Variants in PPARGC1A observed in about 807,000 individuals in gnomAD.
The protein encoded by PPARGC1A is peroxisome proliferator-activated receptor gamma coactivator 1-alpha.
In PPARGC1A, 25 loss-of-function variants were observed where a neutral mutation model predicts 88.7. The ratio of observed to expected loss-of-function variants is 0.28; its 90% CI spans 0.21 to 0.39. PPARGC1A has a LOEUF of 0.39. Ranked by LOEUF, PPARGC1A falls within the 10% of genes least tolerant of loss-of-function variation. The pLI, the probability that PPARGC1A is intolerant of heterozygous loss-of-function variation, is 1.00. For missense variants in PPARGC1A, 880 were observed against 968.7 expected, an observed-to-expected ratio of 0.91 and a Z score of 1.22; for synonymous variants, 363 against 355.6, an observed-to-expected ratio of 1.02 and a Z score of -0.24.
chr4:24,428,157 A>C, the PPARGC1A span, among the ~76,000 whole-genome samples: 17 of 151,682 alleles, frequency 1.1e-4, no homozygotes, highest in African/African-American at 4.1e-4. Context: ...AGCCCAAATG[A>C]CCATAGTGCC....
At chr4:24,308,500 C>A in the PPARGC1A span, among the ~76,000 whole-genome samples, 1 of 152,004 alleles carries the variant, frequency 6.6e-6, no homozygotes, top group Non-Finnish European at 1.5e-5. Flanking sequence ...ATACCCTTTA[C>A]CACAGTGGAT....
the PPARGC1A span, among the ~76,000 whole-genome samples, chr4:24,005,607 T>C: frequency 6.6e-6 from 1 of 152,296 alleles, no homozygotes; most frequent in South Asian, 2.1e-4. Flanking sequence ...AGATTTTCAT[T>C]TCTAGACACA....
chr4:24,455,441 C>G, the PPARGC1A span, among the ~76,000 whole-genome samples: 1 of 152,292 alleles, frequency 6.6e-6, no homozygotes, highest in African/African-American at 2.4e-5. Flanking sequence ...CATTGTGCCA[C>G]TGCACTCCAG....
chr4:24,409,854 C>T, the PPARGC1A span, among the ~76,000 whole-genome samples: 3 of 152,168 alleles, frequency 2.0e-5, no homozygotes. Context: ...ACCAGAAAAC[C>T]ATGTGTGCTC....
the PPARGC1A span, among the ~76,000 whole-genome samples, chr4:24,236,473 C>G: frequency 1.3e-5 from 2 of 152,160 alleles, no homozygotes; most frequent in African/African-American, 4.8e-5. Flanking sequence ...GAGGCATCTG[C>G]TTTTAGTCTA....
the PPARGC1A span, among the ~76,000 whole-genome samples, chr4:24,107,803 T>C: frequency 6.6e-6 from 1 of 152,212 alleles, no homozygotes; most frequent in Non-Finnish European, 1.5e-5. Context: ...AGAAGGATGA[T>C]TGGCTTCAAG....
chr4:24,233,469 A>G, the PPARGC1A span, among the ~76,000 whole-genome samples: 1 of 152,120 alleles, frequency 6.6e-6, no homozygotes, highest in African/African-American at 2.4e-5. Flanking sequence ...CAAACACCAA[A>G]TAAGTGGCAG....
the PPARGC1A span, among the ~76,000 whole-genome samples, chr4:24,310,121 T>C: frequency 9.8e-5 from 15 of 152,332 alleles, no homozygotes; most frequent in South Asian, 1.7e-3. Flanking sequence ...GTGTTCAAGA[T>C]GCCTGTTAGA....
intron 2 of PPARGC1A, chr4:23,876,040 A>G (rs1050696820): frequency 1.3e-5 from 2 of 152,252 alleles, no homozygotes; most frequent in Non-Finnish European, 2.9e-5. Flanking sequence ...GCTTTCTACT[A>G]AAGTTCCAAG....
the PPARGC1A span, among the ~76,000 whole-genome samples, chr4:24,064,495 A>C: frequency 1.2e-4 from 19 of 152,260 alleles, 1 homozygote; most frequent in East Asian, 3.7e-3. Context: ...TGGTGGTGAC[A>C]GGGAGAAGAG....
chr4:24,158,585 T>C, the PPARGC1A span, among the ~76,000 whole-genome samples: 2 of 152,166 alleles, frequency 1.3e-5, no homozygotes, highest in Non-Finnish European at 2.9e-5. Flanking sequence ...GGCATTTAAG[T>C]TATAAGTTAA....
chr4:24,025,684 A>G, the PPARGC1A span, among the ~76,000 whole-genome samples: 1 of 147,996 alleles, frequency 6.8e-6, no homozygotes, highest in Non-Finnish European at 1.5e-5. Context: ...AACAAGTGGC[A>G]CAGAAGACAG....
At chr4:24,163,456 A>G in the PPARGC1A span, among the ~76,000 whole-genome samples, 1 of 152,100 alleles carries the variant, frequency 6.6e-6, no homozygotes, top group South Asian at 2.1e-4. Flanking sequence ...GAGCCTATTA[A>G]CAACAGTTGG....
the PPARGC1A span, among the ~76,000 whole-genome samples, chr4:24,390,333 A>G: frequency 6.6e-6 from 1 of 152,018 alleles, no homozygotes; most frequent in Non-Finnish European, 1.5e-5. Flanking sequence ...TATATAATAA[A>G]TCCTGGCCCC....
At chr4:24,111,678 C>T in the PPARGC1A span, among the ~76,000 whole-genome samples, 1 of 152,068 alleles carries the variant, frequency 6.6e-6, no homozygotes, top group African/African-American at 2.4e-5. Flanking sequence ...CCAAATTTTC[C>T]AAGATTGTAA....
At chr4:24,310,845 G>C in the PPARGC1A span, among the ~76,000 whole-genome samples, 2 of 152,088 alleles carry the variant, frequency 1.3e-5, no homozygotes, top group South Asian at 4.1e-4. Context: ...AGTATTAAGA[G>C]AAAAACGATC....
the PPARGC1A span, among the ~76,000 whole-genome samples, chr4:23,945,454 C>A: frequency 6.6e-6 from 1 of 152,112 alleles, no homozygotes; most frequent in Non-Finnish European, 1.5e-5. Context: ...TGCTGAGAAG[C>A]TGAAGAACCA....
At chr4:24,356,250 C>T in the PPARGC1A span, among the ~76,000 whole-genome samples, 2 of 151,404 alleles carry the variant, frequency 1.3e-5, 1 homozygote, top group Non-Finnish European at 2.9e-5. Context: ...GTTTACCAAG[C>T]ATGTGTGAAT....
chr4:24,395,766 G>A, the PPARGC1A span, among the ~76,000 whole-genome samples: 2 of 152,150 alleles, frequency 1.3e-5, no homozygotes, highest in African/African-American at 2.4e-5. Flanking sequence ...GGAAGTTGAG[G>A]TTCAGGGAGG....
Sources: allele counts gnomAD v4.1 joint callset (sites outside exome capture counted in the v4.1 genomes callset), GRCh38; gene constraint gnomAD v4.1.1; transcripts MANE v1.5; gene names NCBI Gene and HGNC (gene_info 2026-07-23, HGNC 2026-07-21).